Variants in KHNYN observed in about 807,000 individuals in gnomAD.
The protein encoded by KHNYN is KH and NYN domain containing.
Under a neutral mutation model 62.7 loss-of-function variants are expected in KHNYN, and 42 were observed. The ratio of observed to expected loss-of-function variants is 0.67; its 90% CI spans 0.52 to 0.87. The LOEUF (loss-of-function observed/expected upper bound fraction) is 0.87. Among genes scored for constraint, KHNYN ranks in the 40% least tolerant of loss-of-function variants. The pLI, the probability that KHNYN is intolerant of heterozygous loss-of-function variation, is 0.00. For synonymous variants in KHNYN, 347 were observed against 345.6 expected, an observed-to-expected ratio of 1.00 and a Z score of -0.04; for missense variants, 829 against 874.1, an observed-to-expected ratio of 0.95 and a Z score of 0.65.
Position 24,440,590 on chromosome 14 carries a change from G to T in KHNYN, c.*3305G>T. On this transcript the variant is annotated 3_prime_UTR_variant, in exon 8 of 8. Coordinates refer to ENST00000553935, the MANE Select transcript of KHNYN (RefSeq NM_015299.3). ...GTTTCCCCTTCCTCACTCTCCCCAT[G>T]CTGACTTGGCTCTGTAACAGAAGTG... 1 of 1,435,578 alleles carries T rather than the reference G, an allele frequency of 7.0e-7. No individual in the cohort carries two copies. The highest frequency in any genetic ancestry group is 9.5e-7 in the Non-Finnish European group (1 of 1,048,916). The allele number at this position is 1,435,578 out of a possible 1,614,324, so 88.9% of individuals were successfully genotyped here. A position where few individuals can be genotyped will look rare whatever the true frequency, so the allele number is the denominator to read the frequency against.
rs1233972788 is a variant in KHNYN, at chr14:24,440,803, C to T, written c.*3518C>T. On this transcript the variant is annotated 3_prime_UTR_variant, in exon 8 of 8. Transcript: ENST00000553935. Reference sequence around the variant, plus strand: ...CTCACCTGAGCGCACCACCACCTGGCGTGTAGAATCTCCAGGAAGCCTGGC... The same window carrying T: ...CTCACCTGAGCGCACCACCACCTGGTGTGTAGAATCTCCAGGAAGCCTGGC... 11 of 1,613,894 alleles carry T rather than the reference C, an allele frequency of 6.8e-6. No individual in the cohort carries two copies. Among genetic ancestry groups the T allele is most frequent in the East Asian group, 2.2e-5 (1 of 44,882 alleles).
At position 24,436,381 on chromosome 14, in the gene KHNYN, C is replaced by T. The variant is rs754815778; in HGVS notation, c.1686-7C>T. The T allele has an allele frequency of 3.7e-6, 6 of 1,613,162 alleles. No homozygotes were observed. The African/African-American group carries it at 8.0e-5, about 22-fold the overall frequency. ...TCTGTGACCACACATTATCTTTCGC[C>T]ATCCAGCCTGCTGCCCTTTACCTTT... On this transcript the variant is annotated splice_polypyrimidine_tract_variant and splice_region_variant and intron_variant, in intron 6 of 7. Coordinates refer to ENST00000553935, the MANE Select transcript of KHNYN (RefSeq NM_015299.3).
upstream of KHNYN, among the ~76,000 whole-genome samples, chr14:24,424,387 G>C (rs1212573041): frequency 1.3e-5 from 2 of 152,202 alleles, no homozygotes; most frequent in Admixed American, 6.5e-5. Context: ...TTTCCATGCA[G>C]TGGTATTGTA....
Position 24,432,841 on chromosome 14 carries a change from C to T in KHNYN, c.1469C>T (p.Ala490Val). 1.2e-6 allele frequency: 2 copies of T among 1,614,216 alleles called. No homozygotes were observed. The highest frequency in any genetic ancestry group is 1.7e-6 in the Non-Finnish European group (2 of 1,180,032). Residue 490 changes from alanine (A) to valine (V), a missense_variant, in exon 4 of 8, where the codon GCC (alanine) becomes GTC (valine). Physicochemically the swap from Ala to Val is moderately conservative, Grantham distance 64 (BLOSUM62 0). Coordinates refer to ENST00000553935, the MANE Select transcript of KHNYN (RefSeq NM_015299.3). The surrounding 1 kb of genome is among the most constrained non-coding windows in gnomAD (Gnocchi z 5.6). Reference protein sequence around the residue: ...FVPQWRFSKDAKVRESHFLQK... With the variant: ...FVPQWRFSKDVKVRESHFLQK... ...CCTCAGTGGCGCTTCAGTAAGGATG[C>T]CAAAGTCAGAGGTGAGTTGGGCCTG...
Position 24,430,984 on chromosome 14 carries a change from G to C in KHNYN, c.201+53G>C, listed in dbSNP as rs1242540068. 6 of 1,532,956 alleles carry C rather than the reference G, an allele frequency of 3.9e-6. No individual in the cohort carries two copies. In the East Asian group the frequency reaches 1.2e-4, roughly 30 times the overall value. 95.0% of individuals were successfully genotyped at this position (1,532,956 alleles called of 1,614,324 possible). Reference sequence around the variant, plus strand: ...CAGGCACCAAGGACGCTTTCCCCCAGGGCGGAGGAGAGCAGGGCCGAGGAG... The same window carrying C: ...CAGGCACCAAGGACGCTTTCCCCCACGGCGGAGGAGAGCAGGGCCGAGGAG... On this transcript the variant is annotated intron_variant, in intron 2 of 7. Coordinates refer to ENST00000553935, the MANE Select transcript of KHNYN (RefSeq NM_015299.3).
chr14:24,434,439 T>C, intron 5 of KHNYN: 1 of 916,018 alleles, frequency 1.1e-6, no homozygotes, highest in Non-Finnish European at 1.3e-6. Context: ...GGAGCCTTGC[T>C]CTGTCGCCAC....
At chr14:24,428,605 G>T, upstream of KHNYN, 2 of 1,044,646 alleles carry the variant, frequency 1.9e-6, no homozygotes, top group Middle Eastern at 2.9e-4. Context: ...GGAAACCGTC[G>T]GTGGGGTGGT....
intron 5 of KHNYN, among the ~76,000 whole-genome samples, chr14:24,433,662 G>C (rs1316822217): frequency 1.3e-5 from 2 of 152,222 alleles, no homozygotes; most frequent in African/African-American, 4.8e-5. Flanking sequence ...TAAGGTATGT[G>C]CTTGCCTTGC....
At chr14:24,428,398 A>G (rs1566493457), upstream of KHNYN, 2 of 1,613,816 alleles carry the variant, frequency 1.2e-6, no homozygotes, top group Non-Finnish European at 1.7e-6. Flanking sequence ...GCCCTCGTTC[A>G]CCAGGACCTG....
In KHNYN at chr14:24,439,988, A is replaced by G; in HGVS notation, c.*2703A>G. The G allele has an allele frequency of 9.9e-7, 1 of 1,008,052 alleles. No individual in the cohort carries two copies. The highest frequency in any genetic ancestry group is 1.4e-6 in the Non-Finnish European group (1 of 698,310). 62.4% of individuals were successfully genotyped at this position (1,008,052 alleles called of 1,614,324 possible). A position where few individuals can be genotyped will look rare whatever the true frequency, so the allele number is the denominator to read the frequency against. ...GGACTGGGAGAGGAATCTAAGAACC[A>G]GATGGCTTCAGCTCTCTAGAGGAGC... On this transcript the variant is annotated 3_prime_UTR_variant, in exon 8 of 8. Coordinates refer to ENST00000553935, the MANE Select transcript of KHNYN (RefSeq NM_015299.3).
chr14:24,431,443 C>T lies in KHNYN; in HGVS notation c.202-20C>T, dbSNP rs376905823. The T allele has an allele frequency of 6.5e-6, 10 of 1,540,078 alleles. No individual in the cohort carries two copies. The African/African-American group carries it at 8.2e-5, about 13-fold the overall frequency. On this transcript the variant is annotated intron_variant, in intron 2 of 7. Transcript: ENST00000553935. ...GGCCAGTTAGTTTACTTTTCCTGAC[C>T]TTCCCTTCCTCCCAACCAGGAGTAC...
upstream of KHNYN, among the ~76,000 whole-genome samples, chr14:24,424,922 C>A (rs1011009108): frequency 6.6e-6 from 1 of 152,210 alleles, no homozygotes; most frequent in Non-Finnish European, 1.5e-5. Flanking sequence ...TTGTTTTAAG[C>A]CACCAAGTTG....
upstream of KHNYN, chr14:24,428,146 G>T: frequency 3.7e-6 from 5 of 1,353,916 alleles, no homozygotes; most frequent in African/African-American, 5.8e-5. Context: ...CACACTCAAT[G>T]CAAGGCAGGC....
At chr14:24,435,630 G>C (rs973918122) in intron 5 of KHNYN, 1 of 170,208 alleles carries the variant, frequency 5.9e-6, no homozygotes, top group African/African-American at 2.4e-5. Flanking sequence ...TGGTTGGGCA[G>C]GGTGGAAGAC....
Position 24,440,197 on chromosome 14 carries a change from C to T in KHNYN, c.*2912C>T, listed in dbSNP as rs2043280462. The T allele has an allele frequency of 6.2e-7, 1 of 1,613,876 alleles. No individual in the cohort carries two copies. The highest frequency in any genetic ancestry group is 8.5e-7 in the Non-Finnish European group (1 of 1,179,872). On this transcript the variant is annotated 3_prime_UTR_variant, in exon 8 of 8. Transcript: ENST00000553935. ...GGCCCTCCAGCAGCATGATGGCACGCTGTCGCCCAAAGACAGCTTGCACCA... is the reference window on the plus strand; with the variant it reads ...GGCCCTCCAGCAGCATGATGGCACGTTGTCGCCCAAAGACAGCTTGCACCA...
At position 24,432,051 on chromosome 14, in the gene KHNYN, G is replaced by A. The variant is rs1202846578; in HGVS notation, c.790G>A (p.Gly264Ser). 3 of 1,587,898 alleles carry A rather than the reference G, an allele frequency of 1.9e-6. No individual in the cohort carries two copies. The highest frequency in any genetic ancestry group is 2.7e-5 in the African/African-American group (2 of 74,390). Residue 264 changes from glycine to serine, a missense_variant, in exon 3 of 8, where the codon GGT becomes AGT. Gly to Ser is a moderately conservative substitution (Grantham distance 56). This residue lies in a region of KHNYN where 559 missense variants were observed against 527.0 expected (regional missense o/e 1.06). Transcript: ENST00000553935. This position sits in a 1 kb window ranked among gnomAD's most constrained non-coding sequence, Gnocchi z 5.6. ...GGAGAAGGAGGGAGGGAAACAGGGT[G>A]GTCCCAGGGAGATGGATTGGGGGTG... ...AVEKEGGKQG[G>S]PREMDWGWKE...
In KHNYN at chr14:24,441,825, C is replaced by G. The variant is rs1406025730; in HGVS notation, c.*4540C>G. 6.3e-6 allele frequency: 10 copies of G among 1,596,274 alleles called. No individual in the cohort carries two copies. Among genetic ancestry groups the G allele is most frequent in the Non-Finnish European group, 8.5e-6 (10 of 1,172,092 alleles). On this transcript the variant is annotated 3_prime_UTR_variant, in exon 8 of 8. Coordinates refer to ENST00000553935, the MANE Select transcript of KHNYN (RefSeq NM_015299.3). ...AGGAGAAACATGGGAAATAAAAAGC[C>G]ACTAAATACATAAGTGCACATATCC...
In KHNYN at chr14:24,436,456, C is replaced by T; in HGVS notation, c.1754C>T (p.Pro585Leu). 1 of 1,613,456 alleles carries T rather than the reference C, an allele frequency of 6.2e-7. No individual in the cohort carries two copies. The highest frequency in any genetic ancestry group is 1.1e-5 in the South Asian group (1 of 91,048). ...VPDDPLGRNGPTLDEFLKKPA... is the reference protein window; with the variant it reads ...VPDDPLGRNGLTLDEFLKKPA... Reference sequence around the variant, plus strand: ...GATGACCCACTGGGGCGAAACGGCCCCACCCTGGATGAATTTCTGAAGAAG... The same window carrying T: ...GATGACCCACTGGGGCGAAACGGCCTCACCCTGGATGAATTTCTGAAGAAG... Residue 585 changes from proline to leucine, a missense_variant, in exon 7 of 8, where the codon CCC (proline) becomes CTC (leucine). This residue lies in a region of KHNYN where 270 missense variants were observed against 347.1 expected (regional missense o/e 0.78). Transcript: ENST00000553935.
At chr14:24,429,271 C>G, upstream of KHNYN, 1 of 703,968 alleles carries the variant, frequency 1.4e-6, no homozygotes, top group Non-Finnish European at 2.5e-6. Context: ...CATGCAGTGA[C>G]AGCAGTTGGG....
Sources: gnomAD v4.1 joint callset for allele counts (sites outside exome capture counted in the v4.1 genomes callset) on GRCh38, gnomAD v4.1.1 for gene constraint, gnomAD v4.1.1 regional missense constraint, Gnocchi (gnomAD v3.1) non-coding constraint, MANE v1.5 for transcripts, NCBI Gene and HGNC (gene_info 2026-07-23, HGNC 2026-07-21) for gene names.